The following MACROD2 variants were observed in gnomAD, a reference collection of about 807,000 sequenced individuals.
MACROD2 encodes the protein mono-ADP ribosylhydrolase 2, also known as ADP-ribose glycohydrolase MACROD2.
In MACROD2, 36 loss-of-function variants were observed where a neutral mutation model predicts 70.4. That is an observed-to-expected ratio of 0.51 (90% CI 0.39 to 0.68). The LOEUF (loss-of-function observed/expected upper bound fraction) is 0.68. MACROD2 is among the 30% of genes least tolerant of loss of function. The pLI is 0.00. For synonymous variants in MACROD2, 172 were observed against 178.8 expected, an observed-to-expected ratio of 0.96 and a Z score of 0.30; for missense variants, 496 against 538.4, an observed-to-expected ratio of 0.92 and a Z score of 0.78.
At chr20:14,819,966 G>A (rs2072822175) in intron 5 of MACROD2, among the ~76,000 whole-genome samples, 3 of 152,058 alleles carry the variant, frequency 2.0e-5, no homozygotes, top group African/African-American at 7.2e-5. Context: ...TCTGGCTCTG[G>A]TGTGTGGGCA....
chr20:14,575,041 A>AATATATATAT (rs1568678958), intron 4 of MACROD2, among the ~76,000 whole-genome samples: 2 of 23,860 alleles, frequency 8.4e-5, no homozygotes, highest in African/African-American at 1.5e-4. Context: ...AAAAAAAAAA[A>AATATATATAT]ATATTCACAA....
intron 3 of MACROD2, among the ~76,000 whole-genome samples, chr20:14,295,285 G>A (rs916436946): frequency 6.6e-6 from 1 of 151,808 alleles, no homozygotes; most frequent in African/African-American, 2.4e-5. Flanking sequence ...TTTCTTTCCT[G>A]TAATAAAAAA....
At chr20:14,446,832 G>T (rs528668067) in intron 3 of MACROD2, among the ~76,000 whole-genome samples, 3 of 152,068 alleles carry the variant, frequency 2.0e-5, no homozygotes, top group African/African-American at 7.3e-5. Context: ...AAAGAAAATA[G>T]TATAAGCAGT....
At chr20:15,180,996 TA>T (rs1401854429) in intron 5 of MACROD2, among the ~76,000 whole-genome samples, 1 of 152,252 alleles carries the variant, frequency 6.6e-6, no homozygotes, top group African/African-American at 2.4e-5. Flanking sequence ...TTTAGTAGAA[TA>T]AAAGTTACAC....
At chr20:14,926,721 C>A (rs2074237598) in intron 5 of MACROD2, among the ~76,000 whole-genome samples, 1 of 152,108 alleles carries the variant, frequency 6.6e-6, no homozygotes, top group South Asian at 2.1e-4. Context: ...GATTTCAACT[C>A]TTCCAATTGA....
At chr20:15,394,680 ACT>A (rs2045838250) in intron 6 of MACROD2, among the ~76,000 whole-genome samples, 1 of 151,912 alleles carries the variant, frequency 6.6e-6, no homozygotes, top group South Asian at 2.1e-4. Context: ...GTCAGTCCAA[ACT>A]CTCATTCACA....
Position 15,859,755 on chromosome 20 carries a change from C to T in MACROD2, c.646-2990C>T, listed in dbSNP as rs1048731303. The stretch of plus-strand genomic sequence containing the variant: ...AAAAGTGTTTCACTGTCACCATCCC[C>T]GCGCTTTTTTTTTTTTTTCTGGGAA... On this transcript the variant is annotated intron_variant, in intron 8 of 17. Coordinates refer to ENST00000684519, the MANE Select transcript of MACROD2 (RefSeq NM_001351661.2). Among the ~76,000 whole-genome samples the T allele has an allele frequency of 9.7e-5, 11 of 113,968 alleles. No individual in the cohort carries two copies. The East Asian group carries it at 1.1e-3, about 11-fold the overall frequency. 74.8% of individuals were successfully genotyped at this position (113,968 alleles called of 152,430 possible). A position where few individuals can be genotyped will look rare whatever the true frequency, so the allele number is the denominator to read the frequency against.
rs61542762 is a variant in MACROD2, at chr20:15,729,831, CTTTT to C, written c.646-132902_646-132899del. ...GAACACAGCATGCAGTTGGGTCATG[CTTTT>C]TTTTTTTTTTTGGATGGAGTTTCAC... On this transcript the variant is annotated intron_variant, in intron 8 of 17. Coordinates refer to ENST00000684519, the MANE Select transcript of MACROD2 (RefSeq NM_001351661.2). Among the ~76,000 whole-genome samples, 34 of 64,770 alleles carry C rather than the reference CTTTT, an allele frequency of 5.2e-4. 1 individual carries two copies. The highest frequency in any genetic ancestry group is 1.7e-4 in the Non-Finnish European group (6 of 35,868). The allele number at this position is 64,770 out of a possible 152,430, so 42.5% of individuals were successfully genotyped here. A position where few individuals can be genotyped will look rare whatever the true frequency, so the allele number is the denominator to read the frequency against.
chr20:15,632,317 CACAT>C (rs1190037016), intron 8 of MACROD2, among the ~76,000 whole-genome samples: 2 of 152,052 alleles, frequency 1.3e-5, no homozygotes, highest in Non-Finnish European at 2.9e-5. Context: ...ATTTACTGAG[CACAT>C]ACTCTGTATA....
At chr20:14,529,982 G>C (rs557146932) in intron 4 of MACROD2, among the ~76,000 whole-genome samples, 5 of 152,216 alleles carry the variant, frequency 3.3e-5, no homozygotes, top group Non-Finnish European at 5.9e-5. Flanking sequence ...TATTTGGAAG[G>C]TAGAGGCGGA....
At chr20:14,232,619 A>G (rs979479323) in intron 3 of MACROD2, among the ~76,000 whole-genome samples, 9 of 152,228 alleles carry the variant, frequency 5.9e-5, no homozygotes, top group African/African-American at 2.2e-4. Context: ...GTCAGCCTTC[A>G]TAGAATTGAA....
chr20:14,514,322 G>C (rs1188500676), intron 4 of MACROD2, among the ~76,000 whole-genome samples: 1 of 152,080 alleles, frequency 6.6e-6, no homozygotes, highest in African/African-American at 2.4e-5. Context: ...CTTGCATCTA[G>C]TTTTCACCAT....
intron 7 of MACROD2, among the ~76,000 whole-genome samples, chr20:15,472,745 C>T (rs937442650): frequency 6.6e-6 from 1 of 151,818 alleles, no homozygotes; most frequent in African/African-American, 2.4e-5. Flanking sequence ...AGTTTCTTAC[C>T]TTATGTTCCA....
rs191986127 is a variant in MACROD2, at chr20:15,682,633, T to C, written c.646-180112T>C. ...TGTTTCATTCCACATGAAGCTTGGT[T>C]GGCCATGCAGGTGGAATTTTATCAA... On this transcript the variant is annotated intron_variant, in intron 8 of 17. Transcript: ENST00000684519. Among the ~76,000 whole-genome samples the C allele has an allele frequency of 2.0e-5, 3 of 152,328 alleles. No individual in the cohort carries two copies. In the East Asian group the frequency reaches 5.8e-4, roughly 29 times the overall value.
intron 8 of MACROD2, among the ~76,000 whole-genome samples, chr20:15,804,404 CAATCCTATAAATCAATGACCTTTCT>C (rs1161768164): frequency 3.3e-5 from 5 of 152,186 alleles, no homozygotes; most frequent in African/African-American, 1.2e-4. Context: ...AAGTTCATTT[CAATCCTATAAATCAATGACCTTTCT>C]AATTACAAAT....
intron 8 of MACROD2, among the ~76,000 whole-genome samples, chr20:15,523,172 C>G (rs1462524081): frequency 2.0e-5 from 3 of 152,128 alleles, no homozygotes; most frequent in African/African-American, 7.2e-5. Context: ...ACAAGAATTG[C>G]CTGACTCCAT....
At chr20:16,028,745 G>A (rs1333187405) in intron 15 of MACROD2, among the ~76,000 whole-genome samples, 1 of 152,086 alleles carries the variant, frequency 6.6e-6, no homozygotes. Flanking sequence ...TTGGAGAGGG[G>A]GCCAAATGTG....
At chr20:15,859,510 T>G (rs1291384442) in intron 8 of MACROD2, among the ~76,000 whole-genome samples, 1 of 152,178 alleles carries the variant, frequency 6.6e-6, no homozygotes, top group Non-Finnish European at 1.5e-5. Context: ...CCATGGTGCA[T>G]TCATAAACAC....
At chr20:15,994,409 A>T (rs975768881) in intron 15 of MACROD2, among the ~76,000 whole-genome samples, 2 of 152,146 alleles carry the variant, frequency 1.3e-5, no homozygotes, top group Non-Finnish European at 2.9e-5. Flanking sequence ...GTTTAAAAAA[A>T]CTCTTCGAAC....
Sources: gnomAD v4.1 joint callset for allele counts (sites outside exome capture counted in the v4.1 genomes callset) on GRCh38, gnomAD v4.1.1 for gene constraint, MANE v1.5 for transcripts, NCBI Gene and HGNC (gene_info 2026-07-23, HGNC 2026-07-21) for gene names.